The following FBXL13 variants were observed in gnomAD, a reference collection of about 807,000 sequenced individuals.
FBXL13 encodes F-box and leucine-rich repeat protein 13.
A neutral mutation model predicts 83.6 loss-of-function variants in FBXL13; 67 were observed. The ratio of observed to expected loss-of-function variants is 0.80; its 90% confidence interval spans 0.66 to 0.98. The LOEUF (loss-of-function observed/expected upper bound fraction) is 0.98. Ranked by LOEUF, FBXL13 falls within the 50% of genes least tolerant of loss-of-function variation. The pLI is 0.00. For missense variants in FBXL13, 822 were observed against 866.5 expected (o/e 0.95, Z 0.64); for synonymous variants, 272 against 299.5 (o/e 0.91, Z 0.95).
intron 5 of FBXL13, among the ~76,000 whole-genome samples, chr7:103,026,685 T>C (rs1341561858): frequency 3.9e-5 from 6 of 152,206 alleles, no homozygotes; most frequent in African/African-American, 1.4e-4. Flanking sequence ...ATAAATCTCC[T>C]CATACTCTTT....
At chr7:102,863,380 G>C (rs1334682015) in intron 16 of FBXL13, among the ~76,000 whole-genome samples, 1 of 152,064 alleles carries the variant, frequency 6.6e-6, no homozygotes, top group Non-Finnish European at 1.5e-5. Context: ...AGTTACTGGG[G>C]GTATAGATCA....
intron 8 of FBXL13, among the ~76,000 whole-genome samples, chr7:102,957,557 C>T (rs1824481941): frequency 6.6e-6 from 1 of 152,040 alleles, no homozygotes; most frequent in Non-Finnish European, 1.5e-5. Context: ...AACTAAAGAG[C>T]TTCTGCACGG....
At chr7:102,993,550 A>G in intron 6 of FBXL13, among the ~76,000 whole-genome samples, 1 of 152,198 alleles carries the variant, frequency 6.6e-6, no homozygotes, top group East Asian at 1.9e-4. Context: ...GAGTTTCCAA[A>G]TTCATCAGCA....
At chr7:102,848,923 C>A (rs1395898263) in intron 17 of FBXL13, among the ~76,000 whole-genome samples, 1 of 152,184 alleles carries the variant, frequency 6.6e-6, no homozygotes, top group East Asian at 1.9e-4. Context: ...TCACTTGAAC[C>A]CAGGATGCGG....
intron 6 of FBXL13, among the ~76,000 whole-genome samples, chr7:102,977,304 A>C (rs1827614218): frequency 6.6e-6 from 1 of 152,230 alleles, no homozygotes; most frequent in African/African-American, 2.4e-5. Context: ...ACAAAAACAA[A>C]TGTGCGTGGC....
chr7:103,040,063 T>C (rs1295704531), intron 2 of FBXL13, among the ~76,000 whole-genome samples: 2 of 151,620 alleles, frequency 1.3e-5, no homozygotes, highest in Admixed American at 1.3e-4. Flanking sequence ...ATCAGTGTGT[T>C]GTATTCAGGA....
intron 6 of FBXL13, among the ~76,000 whole-genome samples, chr7:103,015,340 A>C (rs559241829): frequency 6.6e-6 from 1 of 152,302 alleles, no homozygotes; most frequent in African/African-American, 2.4e-5. Flanking sequence ...AAGTCCTAGC[A>C]AGAGAAATCA....
At chr7:102,994,548 CGAG>C (rs1829899956) in intron 6 of FBXL13, among the ~76,000 whole-genome samples, 1 of 152,008 alleles carries the variant, frequency 6.6e-6, no homozygotes, top group African/African-American at 2.4e-5. Flanking sequence ...AAAGGAATTT[CGAG>C]AAGAGAGACT....
chr7:102,859,843 A>G (rs1563005921), intron 16 of FBXL13, among the ~76,000 whole-genome samples: 1 of 152,214 alleles, frequency 6.6e-6, no homozygotes, highest in Non-Finnish European at 1.5e-5. Context: ...TTTTATGGTC[A>G]GCTGAAGTGC....
intron 8 of FBXL13, among the ~76,000 whole-genome samples, chr7:102,939,878 A>G (rs1222696462): frequency 6.6e-6 from 1 of 152,000 alleles, no homozygotes. Context: ...GGTCAATAGT[A>G]TACTAAAATG....
rs774020698 is a variant in FBXL13 at position 102,968,119 on chromosome 7, TA to T, written c.496-3del. On this transcript the variant is annotated splice_polypyrimidine_tract_variant and splice_region_variant and intron_variant, in intron 6 of 19. Transcript: ENST00000313221. The stretch of plus-strand genomic sequence containing the variant: ...TTTTAAACTGAGGTAGAAGAAAATC[TA>T]AACACAAAGAAAAATACACAACTTT... 6 of 1,598,114 alleles carry T rather than the reference TA, an allele frequency of 3.8e-6. No individual in the cohort carries two copies. Among genetic ancestry groups the T allele is most frequent in the Non-Finnish European group, 8.6e-7 (1 of 1,167,190 alleles).
chr7:102,977,879 T>C (rs374168470), intron 6 of FBXL13, among the ~76,000 whole-genome samples: 7 of 151,810 alleles, frequency 4.6e-5, no homozygotes, highest in African/African-American at 1.7e-4. Flanking sequence ...TTCTCACTCA[T>C]AGGTGGGAAT....
intron 17 of FBXL13, among the ~76,000 whole-genome samples, chr7:102,834,219 CTCAA>C (rs1801434498): frequency 6.6e-6 from 1 of 150,862 alleles, no homozygotes; most frequent in African/African-American, 2.4e-5. Context: ...TCTACATGTG[CTCAA>C]TCATTCTAAG....
At chr7:102,921,109 T>C (rs549020570) in intron 10 of FBXL13, among the ~76,000 whole-genome samples, 1 of 151,676 alleles carries the variant, frequency 6.6e-6, no homozygotes, top group South Asian at 2.1e-4. Context: ...CCGAGATCAC[T>C]TCATTGCACT....
intron 19 of FBXL13, among the ~76,000 whole-genome samples, chr7:102,819,049 G>A (rs112708675): frequency 0.016 from 2,419 of 152,096 alleles, 55 homozygotes; most frequent in African/African-American, 0.056. Flanking sequence ...GAGAACATGC[G>A]TTATTTGGTT....
At chr7:103,040,353 T>TA (rs1795533679) in intron 2 of FBXL13, among the ~76,000 whole-genome samples, 1 of 152,112 alleles carries the variant, frequency 6.6e-6, no homozygotes, top group Non-Finnish European at 1.5e-5. Flanking sequence ...CAAAGAGACT[T>TA]AGACTCCCAC....
chr7:103,015,856 A>G (rs1349717324), intron 6 of FBXL13, among the ~76,000 whole-genome samples: 1 of 152,022 alleles, frequency 6.6e-6, no homozygotes, highest in African/African-American at 2.4e-5. Flanking sequence ...CCAACAACAT[A>G]CACACTGTGA....
At chr7:102,865,456 G>C (rs563324676) in intron 16 of FBXL13, among the ~76,000 whole-genome samples, 1 of 152,148 alleles carries the variant, frequency 6.6e-6, no homozygotes, top group African/African-American at 2.4e-5. Context: ...TTCTACTCTA[G>C]TTAGTAATTA....
intron 4 of FBXL13, among the ~76,000 whole-genome samples, chr7:103,028,224 C>T (rs1312193710): frequency 1.3e-5 from 2 of 152,134 alleles, no homozygotes; most frequent in African/African-American, 2.4e-5. Context: ...GTCATATATA[C>T]ATTAAATATA....
Sources: gnomAD v4.1 joint callset for allele counts (sites outside exome capture counted in the v4.1 genomes callset) on GRCh38, gnomAD v4.1.1 for gene constraint, MANE v1.5 for transcripts, NCBI Gene and HGNC (gene_info 2026-07-23, HGNC 2026-07-21) for gene names.